XKR9: variants seen among roughly 807,000 people sequenced by gnomAD.
XKR9 encodes the protein XK-related protein 9.
A neutral mutation model predicts 32.0 loss-of-function variants in XKR9; 32 were observed. The ratio of observed to expected loss-of-function variants is 1.00; its 90% CI spans 0.76 to 1.34. The LOEUF is 1.34. Among genes scored for constraint, XKR9 ranks in the 40% most tolerant of loss-of-function variants. The pLI, the probability that XKR9 is intolerant of heterozygous loss-of-function variation, is 0.00. For synonymous variants in XKR9, 168 were observed against 143.4 expected (o/e 1.17, Z -1.22); for missense variants, 546 against 429.7 (o/e 1.27, Z -2.39).
chr8:70,963,007 G>A, the XKR9 span, among the ~76,000 whole-genome samples: 84,814 of 151,950 alleles, frequency 0.56, 24,639 homozygotes, highest in Middle Eastern at 0.61. Flanking sequence ...CATGTGCAAG[G>A]TGTGCAGGTT....
At chr8:70,670,614 T>C (rs1312664461) in intron 1 of XKR9, 1 of 152,192 alleles carries the variant, frequency 6.6e-6, no homozygotes, top group Non-Finnish European at 1.5e-5. Flanking sequence ...TTACCTATTT[T>C]ATGAATCAGC....
intron 3 of XKR9, among the ~76,000 whole-genome samples, chr8:70,694,980 G>A (rs1586822601): frequency 6.6e-6 from 1 of 152,154 alleles, no homozygotes; most frequent in South Asian, 2.1e-4. Context: ...GCTGGAGTGG[G>A]TTCACAAGAT....
chr8:70,849,669 T>C, the XKR9 span, among the ~76,000 whole-genome samples: 8 of 152,044 alleles, frequency 5.3e-5, no homozygotes, highest in Non-Finnish European at 8.8e-5. Context: ...AAAAAATCAA[T>C]GAATCCAGGA....
the XKR9 span, among the ~76,000 whole-genome samples, chr8:71,014,930 C>G: frequency 6.6e-6 from 1 of 152,166 alleles, no homozygotes; most frequent in Non-Finnish European, 1.5e-5. Context: ...CGATAGGTCT[C>G]TCCTTTGCCA....
chr8:70,683,272 A>T (rs987735951), intron 3 of XKR9, among the ~76,000 whole-genome samples: 1 of 152,252 alleles, frequency 6.6e-6, no homozygotes, highest in East Asian at 1.9e-4. Flanking sequence ...TAATTTAAAG[A>T]CCTCAAAACA....
the XKR9 span, among the ~76,000 whole-genome samples, chr8:70,972,319 C>A: frequency 6.6e-6 from 1 of 152,096 alleles, no homozygotes; most frequent in Non-Finnish European, 1.5e-5. Flanking sequence ...AACTTTGTAT[C>A]CTGAAACTTT....
chr8:70,808,472 C>T, the XKR9 span, among the ~76,000 whole-genome samples: 4 of 152,090 alleles, frequency 2.6e-5, no homozygotes, highest in African/African-American at 7.2e-5. Context: ...TGCAGTGCAA[C>T]GAGCATGAGC....
the XKR9 span, among the ~76,000 whole-genome samples, chr8:70,963,402 G>A: frequency 1.3e-5 from 2 of 152,060 alleles, no homozygotes; most frequent in African/African-American, 2.4e-5. Flanking sequence ...TGTCTTTGCT[G>A]TTGTGAGTAG....
chr8:71,032,115 GA>G, the XKR9 span, among the ~76,000 whole-genome samples: 217 of 152,132 alleles, frequency 1.4e-3, 1 homozygote, highest in African/African-American at 5.0e-3. Flanking sequence ...CCAATGTGGT[GA>G]AATCCTATCT....
intron 2 of XKR9, among the ~76,000 whole-genome samples, chr8:70,767,281 G>T (rs760706723): frequency 2.0e-5 from 3 of 152,076 alleles, no homozygotes; most frequent in Non-Finnish European, 4.4e-5. Flanking sequence ...TTCAGAACTT[G>T]TTATTGGTTT....
At chr8:70,984,001 T>G in the XKR9 span, among the ~76,000 whole-genome samples, 1 of 152,166 alleles carries the variant, frequency 6.6e-6, no homozygotes. Context: ...AAGAGGAGCT[T>G]ACGCTACAAA....
At chr8:71,014,618 G>C in the XKR9 span, among the ~76,000 whole-genome samples, 65 of 152,170 alleles carry the variant, frequency 4.3e-4, no homozygotes, top group Non-Finnish European at 8.4e-4. Context: ...CCTTAACTTA[G>C]TTACATCTGC....
the XKR9 span, among the ~76,000 whole-genome samples, chr8:70,951,398 C>T: frequency 6.6e-6 from 1 of 152,230 alleles, no homozygotes; most frequent in African/African-American, 2.4e-5. Context: ...GGCCCAGGGC[C>T]CTCACAGGGC....
chr8:70,937,324 GA>G, the XKR9 span, among the ~76,000 whole-genome samples: 1 of 151,970 alleles, frequency 6.6e-6, no homozygotes, highest in Non-Finnish European at 1.5e-5. Flanking sequence ...AAATAAATGT[GA>G]ACAAACATGA....
At chr8:70,883,654 T>C in the XKR9 span, among the ~76,000 whole-genome samples, 1 of 152,178 alleles carries the variant, frequency 6.6e-6, no homozygotes, top group Non-Finnish European at 1.5e-5. Flanking sequence ...CCTTTTCAGA[T>C]TGGCTTCTTT....
the XKR9 span, among the ~76,000 whole-genome samples, chr8:70,834,839 T>C: frequency 2.6e-5 from 4 of 152,114 alleles, no homozygotes; most frequent in African/African-American, 7.2e-5. Flanking sequence ...TTTGAGTAGC[T>C]AAGACTCATA....
At chr8:70,682,774 T>C (rs1381756327) in intron 3 of XKR9, among the ~76,000 whole-genome samples, 2 of 152,210 alleles carry the variant, frequency 1.3e-5, no homozygotes, top group African/African-American at 4.8e-5. Context: ...TTTCAAGACT[T>C]TCTGCTTAGC....
At chr8:71,057,560 G>T in the XKR9 span, among the ~76,000 whole-genome samples, 17 of 152,198 alleles carry the variant, frequency 1.1e-4, no homozygotes, top group Admixed American at 3.3e-4. Flanking sequence ...TACTTAAAAG[G>T]TTATTGCCTT....
At chr8:70,974,209 T>C in the XKR9 span, among the ~76,000 whole-genome samples, 1 of 152,082 alleles carries the variant, frequency 6.6e-6, no homozygotes, top group Non-Finnish European at 1.5e-5. Flanking sequence ...TTTATCATTA[T>C]ATAGTGTCCC....
Sources: allele counts gnomAD v4.1 joint callset (sites outside exome capture counted in the v4.1 genomes callset), GRCh38; gene constraint gnomAD v4.1.1; transcripts MANE v1.5; gene names NCBI Gene and HGNC (gene_info 2026-07-23, HGNC 2026-07-21).